The following MRPL54 variants were observed in gnomAD, a reference collection of about 807,000 sequenced individuals.
The protein encoded by MRPL54 is large ribosomal subunit protein mL54.
MRPL54 carries 12 observed loss-of-function variants against 15.6 expected under a neutral mutation model. The ratio of observed to expected loss-of-function variants is 0.77; its 90% confidence interval spans 0.49 to 1.24. The LOEUF is 1.24. Among genes scored for constraint, MRPL54 ranks in the 50% most tolerant of loss-of-function variants. The pLI is 0.00. For synonymous variants in MRPL54, 91 were observed against 75.7 expected (o/e 1.20, Z -1.05); for missense variants, 178 against 186.8 (o/e 0.95, Z 0.28).
intron 1 of MRPL54, among the ~76,000 whole-genome samples, chr19:3,763,554 C>T (rs947228047): frequency 2.0e-5 from 3 of 151,026 alleles, no homozygotes; most frequent in Non-Finnish European, 4.4e-5. Flanking sequence ...GAGGGAGGAT[C>T]GATTGCTTGA....
In MRPL54 at chr19:3,765,203, C is replaced by A. The variant is rs2037187247; in HGVS notation, c.156C>A (p.Thr52=). 1 of 1,613,588 alleles carries A rather than the reference C, an allele frequency of 6.2e-7. No homozygotes were observed. Among genetic ancestry groups the A allele is most frequent in the African/African-American group, 1.3e-5 (1 of 74,994 alleles). The part of the protein sequence containing the change: ...KGAKSGKGAV[T]SEALKDPDVC... ...CCAAATCGGGAAAAGGTGCAGTGAC[C>A]AGCGAGGCCCTCAAGGACCCCGACG... The change falls in exon 2 of 3, where the codon ACC becomes ACA. Residue 52 remains threonine, a synonymous_variant. Coordinates refer to ENST00000330133, the MANE Select transcript of MRPL54 (RefSeq NM_172251.3).
chr19:3,762,843 A>C, intron 1 of MRPL54, 25 bp downstream of exon 1: 3 of 1,516,152 alleles, frequency 2.0e-6, no homozygotes, highest in Non-Finnish European at 2.7e-6. Context: ...GAGGAACCAA[A>C]TGGGGACGGT....
In MRPL54 at chr19:3,767,375, C is replaced by G; in HGVS notation, c.399C>G (p.Ser133Arg). ...ACATCTGGCGCCACAACCGGCTGAG[C>G]AAGAACAAGAGGTTGTAGCATGGAG... Reference protein sequence around the residue: ...KQNIWRHNRLSKNKRL With the variant: ...KQNIWRHNRLRKNKRL The change falls in exon 3 of 3, where the codon AGC becomes AGG. Residue 133 changes from serine to arginine, a missense_variant. Transcript: ENST00000330133. The G allele has an allele frequency of 6.2e-7, 1 of 1,610,274 alleles. No homozygotes were observed. Among genetic ancestry groups the G allele is most frequent in the African/African-American group, 1.3e-5 (1 of 74,760 alleles).
intron 1 of MRPL54, among the ~76,000 whole-genome samples, chr19:3,764,143 C>G (rs1422907863): frequency 2.6e-5 from 4 of 151,640 alleles, no homozygotes; most frequent in Non-Finnish European, 5.9e-5. Context: ...TGTGCAGTGG[C>G]GCAATCTTGG....
Position 3,765,272 on chromosome 19 carries a change from C to T in MRPL54, c.225C>T (p.Val75=), listed in dbSNP as rs750618666. 1 of 1,614,028 alleles carries T rather than the reference C, an allele frequency of 6.2e-7. No individual in the cohort carries two copies. Residue 75 remains valine (V), a synonymous_variant, in exon 2 of 3, where the codon GTC becomes GTT. Transcript: ENST00000330133. ...AGCTCACCACATATGCCATGGGCGT[C>T]AACATCTACAAGGAAGGGCAGGATG... The part of the protein sequence containing the change: ...PVQLTTYAMG[V]NIYKEGQDVP...
intron 1 of MRPL54, among the ~76,000 whole-genome samples, chr19:3,763,410 C>G (rs756381322): frequency 1.3e-5 from 2 of 152,178 alleles, no homozygotes; most frequent in African/African-American, 2.4e-5. Context: ...TCATTCCAAG[C>G]ATCGGTGTTA....
At chr19:3,767,134 T>C in intron 2 of MRPL54, 127 bp from the exon 3 acceptor site, 2 of 1,249,778 alleles carry the variant, frequency 1.6e-6, no homozygotes, top group Non-Finnish European at 2.2e-6. Context: ...GGGACCACCC[T>C]GAGATCATGC....
chr19:3,765,506 G>C (rs1044853851), intron 2 of MRPL54, among the ~76,000 whole-genome samples, 175 bp downstream of exon 2: 12 of 152,172 alleles, frequency 7.9e-5, no homozygotes, highest in African/African-American at 2.9e-4. Flanking sequence ...GGGGTGATGG[G>C]ACCCATCCCT....
rs748593813 is a variant in MRPL54, at chr19:3,765,317, T to C, written c.270T>C (p.Ala90=). Residue 90 remains alanine (A), a synonymous_variant, in exon 2 of 3, where the codon GCT becomes GCC. Transcript: ENST00000330133. ...EGQDVPLKPD[A]EYPEWLFEMN... ...AGGATGTACCCCTGAAACCGGATGCTGAGTACCCTGAATGGTGAGTAGGCC... is the reference window on the plus strand; with the variant it reads ...AGGATGTACCCCTGAAACCGGATGCCGAGTACCCTGAATGGTGAGTAGGCC... 3.7e-6 allele frequency: 6 copies of C among 1,613,728 alleles called. No homozygotes were observed. The highest frequency in any genetic ancestry group is 4.2e-6 in the Non-Finnish European group (5 of 1,179,832).
chr19:3,765,404 A>T, intron 2 of MRPL54, 73 bp downstream of exon 2: 1 of 1,541,716 alleles, frequency 6.5e-7, no homozygotes, highest in Non-Finnish European at 8.9e-7. Context: ...CTTCCCGGAG[A>T]GGCGGATCGC....
In MRPL54 at chr19:3,767,355, T is replaced by C. The variant is rs2037207254; in HGVS notation, c.379T>C (p.Trp127Arg). The change falls in exon 3 of 3, where the codon TGG becomes CGG. Residue 127 changes from tryptophan (W) to arginine (R), a missense_variant. Coordinates refer to ENST00000330133, the MANE Select transcript of MRPL54 (RefSeq NM_172251.3). ...YWRRLRKQNI[W>R]RHNRLSKNKR... ...GCGGCGGCTGCGGAAACAGAACATC[T>C]GGCGCCACAACCGGCTGAGCAAGAA... is the stretch of plus-strand genomic sequence containing the variant. 2 of 1,610,180 alleles carry C rather than the reference T, an allele frequency of 1.2e-6. No individual in the cohort carries two copies. The highest frequency in any genetic ancestry group is 1.7e-6 in the Non-Finnish European group (2 of 1,178,612).
chr19:3,765,070 C>T (rs976293991), intron 1 of MRPL54, 96 bp from the exon 2 acceptor site: 3 of 1,317,302 alleles, frequency 2.3e-6, no homozygotes, highest in Admixed American at 2.7e-5. Flanking sequence ...AGAGTCCAGC[C>T]AGGGGCAGAG....
intron 1 of MRPL54, among the ~76,000 whole-genome samples, chr19:3,764,760 G>A (rs1390516917): frequency 1.3e-5 from 2 of 151,492 alleles, no homozygotes; most frequent in Non-Finnish European, 2.9e-5. Context: ...CGGGCGCGGT[G>A]GCTCACGCCT....
intron 2 of MRPL54, among the ~76,000 whole-genome samples, chr19:3,765,790 T>C (rs2037192631): frequency 6.6e-6 from 1 of 150,894 alleles, no homozygotes; most frequent in Non-Finnish European, 1.5e-5. Context: ...CCCAGTTACT[T>C]GGGAGGCTGA....
intron 1 of MRPL54, among the ~76,000 whole-genome samples, chr19:3,763,663 C>T (rs2037173075): frequency 6.6e-6 from 1 of 151,776 alleles, no homozygotes; most frequent in Non-Finnish European, 1.5e-5. Flanking sequence ...CCTGTAATCC[C>T]AGCACTTTGG....
intron 1 of MRPL54, 116 bp downstream of exon 1, chr19:3,762,934 G>A: frequency 1.2e-6 from 1 of 865,488 alleles, no homozygotes; most frequent in Non-Finnish European, 1.7e-6. Context: ...CAGAGAGGCG[G>A]ATGCCAGGCT....
In MRPL54 at chr19:3,767,433, T is replaced by C; in HGVS notation, c.*40T>C. On this transcript the variant is annotated 3_prime_UTR_variant, in exon 3 of 3. Transcript: ENST00000330133. ...CATCGCTGACCCCCACGCCGAGGGC[T>C]TGCCGTTTTCCCGGAGGACGTGGAC... 6.3e-7 allele frequency: 1 copy of C among 1,594,484 alleles called. No homozygotes were observed. Among genetic ancestry groups the C allele is most frequent in the Admixed American group, 1.9e-5 (1 of 53,986 alleles).
chr19:3,765,788 C>G (rs1015690381), intron 2 of MRPL54, among the ~76,000 whole-genome samples: 3 of 151,016 alleles, frequency 2.0e-5, no homozygotes, highest in African/African-American at 7.3e-5. Flanking sequence ...GTCCCAGTTA[C>G]TTGGGAGGCT....
At chr19:3,766,845 C>T (rs866155905) in intron 2 of MRPL54, among the ~76,000 whole-genome samples, 1 of 152,244 alleles carries the variant, frequency 6.6e-6, no homozygotes, top group South Asian at 2.1e-4. Flanking sequence ...GGAGGAACAG[C>T]GGGGAGGCCT....
Sources: allele counts gnomAD v4.1 joint callset (sites outside exome capture counted in the v4.1 genomes callset), GRCh38; gene constraint gnomAD v4.1.1; transcripts MANE v1.5; gene names NCBI Gene and HGNC (gene_info 2026-07-23, HGNC 2026-07-21).